Variants in KCNIP4 observed in about 807,000 individuals in gnomAD.
KCNIP4 encodes Kv channel-interacting protein 4.
A neutral mutation model predicts 34.0 loss-of-function variants in KCNIP4; 12 were observed. The observed-to-expected ratio is 0.35, with a 90% confidence interval of 0.23 to 0.57. KCNIP4 has a LOEUF of 0.57. Among genes scored for constraint, KCNIP4 ranks in the 20% least tolerant of loss-of-function variants. KCNIP4 has a pLI of 0.83. For synonymous variants in KCNIP4, 124 were observed against 102.2 expected (o/e 1.21, Z -1.29); for missense variants, 238 against 311.7 (o/e 0.76, Z 1.78).
chr4:21,714,785 G>GATTATTTTATTTTATATTTC lies in KCNIP4; in HGVS notation c.61+233785_61+233786insGAAATATAAAATAAAATAAT, dbSNP rs1714034016. 4.6e-5 allele frequency among the ~76,000 whole-genome samples: 2 copies of GATTATTTTATTTTATATTTC among 43,388 alleles called. 1 individual carries two copies. Among genetic ancestry groups the GATTATTTTATTTTATATTTC allele is most frequent in the Non-Finnish European group, 7.1e-5 (2 of 28,002 alleles). 28.5% of individuals were successfully genotyped at this position (43,388 alleles called of 152,430 possible). A position where few individuals can be genotyped will look rare whatever the true frequency, so the allele number is the denominator to read the frequency against. On this transcript the variant is annotated intron_variant, in intron 1 of 8. Coordinates refer to ENST00000382152, the MANE Select transcript of KCNIP4 (RefSeq NM_025221.6). Reference sequence around the variant, plus strand: ...AAGAATGTGTTAGTAATTTCCCTTTGATTATTTTATTTTATTTTATTTTAT... The same window carrying GATTATTTTATTTTATATTTC: ...AAGAATGTGTTAGTAATTTCCCTTTGATTATTTTATTTTATATTTCATTATTTTATTTTATTTTATTTTAT...
intron 1 of KCNIP4, among the ~76,000 whole-genome samples, chr4:21,067,218 AG>A (rs1744477985): frequency 6.6e-6 from 1 of 152,154 alleles, no homozygotes; most frequent in South Asian, 2.1e-4. Flanking sequence ...TTCTCGCTAA[AG>A]AACCCTTGGG....
At chr4:21,834,132 G>A (rs1440783419) in intron 1 of KCNIP4, among the ~76,000 whole-genome samples, 2 of 152,182 alleles carry the variant, frequency 1.3e-5, no homozygotes, top group African/African-American at 2.4e-5. Flanking sequence ...TGTGAAGAAA[G>A]TCATTGGTAG....
At chr4:21,725,497 C>T (rs1204083873) in intron 1 of KCNIP4, among the ~76,000 whole-genome samples, 1 of 152,160 alleles carries the variant, frequency 6.6e-6, no homozygotes, top group Non-Finnish European at 1.5e-5. Context: ...GACACAATTG[C>T]TATCTATGAT....
chr4:20,983,529 T>C (rs937116798), intron 1 of KCNIP4, among the ~76,000 whole-genome samples: 1 of 152,082 alleles, frequency 6.6e-6, no homozygotes, highest in Non-Finnish European at 1.5e-5. Context: ...TATCACCCCA[T>C]AGGAGAGAGT....
At chr4:21,757,958 C>T (rs1293124185) in intron 1 of KCNIP4, among the ~76,000 whole-genome samples, 1 of 152,112 alleles carries the variant, frequency 6.6e-6, no homozygotes, top group Non-Finnish European at 1.5e-5. Flanking sequence ...TGTCCTTATG[C>T]AAGTAATTTG....
At chr4:21,778,952 G>A (rs1719384363) in intron 1 of KCNIP4, among the ~76,000 whole-genome samples, 3 of 152,038 alleles carry the variant, frequency 2.0e-5, no homozygotes. Context: ...ACTTCCTAGA[G>A]TTACTGTGAG....
chr4:21,086,442 A>C (rs1261355492), intron 1 of KCNIP4, among the ~76,000 whole-genome samples: 1 of 152,212 alleles, frequency 6.6e-6, no homozygotes, highest in East Asian at 1.9e-4. Flanking sequence ...ATTTTTAAAT[A>C]AAATTTAAAA....
rs182816031 is a variant in KCNIP4 at position 20,942,765 on chromosome 4, G to A, written c.62-60056C>T. On this transcript the variant is annotated intron_variant, in intron 1 of 8. Transcript: ENST00000382152. Reference sequence around the variant, plus strand: ...TGGCTCACTGCAACCTCCGCCTCCCGGGTTCAAGCAATTCTCCTGCCTCAG... The same window carrying A: ...TGGCTCACTGCAACCTCCGCCTCCCAGGTTCAAGCAATTCTCCTGCCTCAG... Among the ~76,000 whole-genome samples, 1,462 of 152,020 alleles carry A rather than the reference G, an allele frequency of 9.6e-3. 23 individuals are homozygous for A. The highest frequency in any genetic ancestry group is 0.026 in the African/African-American group (1,065 of 41,444).
intron 2 of KCNIP4, among the ~76,000 whole-genome samples, chr4:20,862,606 C>T (rs17556817): frequency 0.57 from 86,391 of 151,980 alleles, 26,101 homozygotes; most frequent in African/African-American, 0.78. Context: ...CAAAGGAGTG[C>T]CTCAAACTTT....
At chr4:20,916,280 T>G (rs1263201284) in intron 1 of KCNIP4, 9 of 981,554 alleles carry the variant, frequency 9.2e-6, no homozygotes, top group Non-Finnish European at 9.7e-6. Context: ...CACCCACATT[T>G]CCTGCCCACG....
At position 21,119,525 on chromosome 4, in the gene KCNIP4, C is replaced by A. The variant is rs143504705; in HGVS notation, c.62-236816G>T. Among the ~76,000 whole-genome samples the A allele has an allele frequency of 4.1e-3, 610 of 150,596 alleles. 2 individuals are homozygous for A. The highest frequency in any genetic ancestry group is 0.014 in the African/African-American group (586 of 41,200). The stretch of plus-strand genomic sequence containing the variant: ...GTTCTTTTTAATTTCTACAATTATT[C>A]AACATGTGTCTGAATGCTAAAAATA... On this transcript the variant is annotated intron_variant, in intron 1 of 8. Coordinates refer to ENST00000382152, the MANE Select transcript of KCNIP4 (RefSeq NM_025221.6).
intron 3 of KCNIP4, among the ~76,000 whole-genome samples, chr4:20,808,867 T>G (rs1426178774): frequency 6.6e-6 from 1 of 152,216 alleles, no homozygotes; most frequent in East Asian, 1.9e-4. Flanking sequence ...GCAAATCTTT[T>G]TTATGGAAGC....
chr4:21,750,148 C>T (rs6838195), intron 1 of KCNIP4, among the ~76,000 whole-genome samples: 17,860 of 152,090 alleles, frequency 0.12, 1,148 homozygotes, highest in Middle Eastern at 0.14. Context: ...ATTGTAGACG[C>T]TGCCTGCCCA....
chr4:21,234,717 A>G (rs189644077), intron 1 of KCNIP4, among the ~76,000 whole-genome samples: 3,112 of 150,798 alleles, frequency 0.021, 49 homozygotes, highest in Non-Finnish European at 0.03. Flanking sequence ...GTGCAATCTC[A>G]GCTCACCACA....
intron 1 of KCNIP4, among the ~76,000 whole-genome samples, chr4:21,376,444 A>C (rs528015491): frequency 1.3e-5 from 2 of 152,222 alleles, no homozygotes; most frequent in East Asian, 3.9e-4. Context: ...ACATAGCCAG[A>C]TCTTTCAGTA....
intron 1 of KCNIP4, among the ~76,000 whole-genome samples, chr4:21,122,174 GTTT>G (rs71818519): frequency 1.4e-5 from 2 of 142,098 alleles, no homozygotes; most frequent in Admixed American, 7.0e-5. Context: ...TGCAGATCAA[GTTT>G]TTTTTTTTTT....
intron 1 of KCNIP4, among the ~76,000 whole-genome samples, chr4:21,220,828 A>G (rs1383276283): frequency 1.3e-5 from 2 of 152,170 alleles, no homozygotes; most frequent in African/African-American, 4.8e-5. Flanking sequence ...GTGAGTTAAT[A>G]TATTCTCATT....
At chr4:21,668,235 T>G (rs4697229) in intron 1 of KCNIP4, among the ~76,000 whole-genome samples, 116,772 of 151,950 alleles carry the variant, frequency 0.77, 45,486 homozygotes, top group East Asian at 0.99. Context: ...ATTGGGCAGT[T>G]GGGGGTGAGG....
chr4:21,032,815 A>T (rs1187764234), intron 1 of KCNIP4, among the ~76,000 whole-genome samples: 1 of 151,930 alleles, frequency 6.6e-6, no homozygotes, highest in African/African-American at 2.4e-5. Context: ...ATTACATGTA[A>T]TCAAGCAGAA....
Sources: gnomAD v4.1 joint callset for allele counts (sites outside exome capture counted in the v4.1 genomes callset) on GRCh38, gnomAD v4.1.1 for gene constraint, MANE v1.5 for transcripts, NCBI Gene and HGNC (gene_info 2026-07-23, HGNC 2026-07-21) for gene names.